The following MEOX2 variants were observed in gnomAD, a reference collection of about 807,000 sequenced individuals.
The protein encoded by MEOX2 is mesenchyme homeobox 2, also known as homeobox protein MOX-2.
A neutral mutation model predicts 27.0 loss-of-function variants in MEOX2; 11 were observed. The observed-to-expected ratio is 0.41, with a 90% confidence interval of 0.26 to 0.68. The LOEUF (loss-of-function observed/expected upper bound fraction) is 0.68. MEOX2 is among the 30% of genes least tolerant of loss of function. The pLI is 0.33. For missense variants in MEOX2, 436 were observed against 385.4 expected (o/e 1.13, Z -1.10); for synonymous variants, 189 against 155.4 (o/e 1.22, Z -1.61).
At chr7:15,617,576 T>A (rs1781142979) in intron 2 of MEOX2, among the ~76,000 whole-genome samples, 1 of 152,094 alleles carries the variant, frequency 6.6e-6, no homozygotes, top group African/African-American at 2.4e-5. Context: ...TATATCTGAT[T>A]AAGAGAAGGA....
intron 1 of MEOX2, among the ~76,000 whole-genome samples, chr7:15,635,907 A>C (rs1481333270): frequency 6.6e-6 from 1 of 151,996 alleles, no homozygotes; most frequent in Non-Finnish European, 1.5e-5. Flanking sequence ...CAGTGTATGA[A>C]ATTGTATTTC....
intron 1 of MEOX2, among the ~76,000 whole-genome samples, chr7:15,649,675 C>T (rs1194918867): frequency 1.3e-5 from 2 of 151,936 alleles, no homozygotes; most frequent in Admixed American, 6.6e-5. Flanking sequence ...TGGTTAATGC[C>T]ATGTCGATGC....
rs183345162 is a variant in MEOX2, at chr7:15,678,240, G to C, written c.517+7646C>G. 1.1e-3 allele frequency among the ~76,000 whole-genome samples: 171 copies of C among 152,228 alleles called. 2 individuals carry two copies. The highest frequency in any genetic ancestry group is 1.6e-4 in the Non-Finnish European group (11 of 68,020). On this transcript the variant is annotated intron_variant, in intron 1 of 2. Coordinates refer to ENST00000262041, the MANE Select transcript of MEOX2 (RefSeq NM_005924.5). The stretch of plus-strand genomic sequence containing the variant: ...GGTGAGAAAATTTTAATTGTTAAAG[G>C]CACTACACATACTAAGACCTCATTT...
At chr7:15,632,541 A>G (rs113923753) in intron 1 of MEOX2, among the ~76,000 whole-genome samples, 8 of 151,948 alleles carry the variant, frequency 5.3e-5, no homozygotes, top group African/African-American at 1.7e-4. Context: ...TGTCATGATT[A>G]ATGTGCAATT....
intron 1 of MEOX2, among the ~76,000 whole-genome samples, chr7:15,633,085 C>T (rs999416987): frequency 1.1e-4 from 17 of 151,918 alleles, no homozygotes; most frequent in Admixed American, 1.1e-3. Flanking sequence ...TCCTTTCTTA[C>T]AATGCTTACC....
intron 1 of MEOX2, among the ~76,000 whole-genome samples, chr7:15,641,442 G>A (rs964130976): frequency 6.6e-6 from 1 of 152,016 alleles, no homozygotes; most frequent in African/African-American, 2.4e-5. Context: ...AGCAACCTCT[G>A]CTCTCTTTCC....
At chr7:15,617,498 ATG>A (rs201620450) in intron 2 of MEOX2, among the ~76,000 whole-genome samples, 1 of 152,042 alleles carries the variant, frequency 6.6e-6, no homozygotes, top group Non-Finnish European at 1.5e-5. Flanking sequence ...AGAAGCAAGA[ATG>A]CTTAAAAGTA....
chr7:15,625,760 G>C (rs1781292826), intron 2 of MEOX2, among the ~76,000 whole-genome samples: 1 of 152,146 alleles, frequency 6.6e-6, no homozygotes, highest in Non-Finnish European at 1.5e-5. Flanking sequence ...CAGTAGGCTA[G>C]ATTCTCCTCA....
At chr7:15,642,678 T>C (rs1781580745) in intron 1 of MEOX2, among the ~76,000 whole-genome samples, 1 of 152,204 alleles carries the variant, frequency 6.6e-6, no homozygotes, top group Non-Finnish European at 1.5e-5. Flanking sequence ...TGTCAGAGCA[T>C]TCTGTTTCTT....
Position 15,612,398 on chromosome 7 carries a change from C to T in MEOX2, c.904G>A (p.Ala302Thr). 1 of 1,613,794 alleles carries T rather than the reference C, an allele frequency of 6.2e-7. No individual in the cohort carries two copies. The highest frequency in any genetic ancestry group is 8.5e-7 in the Non-Finnish European group (1 of 1,179,752). The change falls in exon 3 of 3, where the codon GCG (alanine) becomes ACG (threonine). Residue 302 changes from alanine to threonine, a missense_variant. By Grantham distance (58) the Ala-to-Thr change is moderately conservative. Transcript: ENST00000262041. ...SHDSDHSSEH[A>T]HL ...GTCCTCTGTTTATATCATAAGTGCGCATGCTCTGAGCTGTGGTCACTGTCG... is the reference window on the plus strand; with the variant it reads ...GTCCTCTGTTTATATCATAAGTGCGTATGCTCTGAGCTGTGGTCACTGTCG...
intron 1 of MEOX2, among the ~76,000 whole-genome samples, chr7:15,641,385 G>GT: frequency 6.6e-6 from 1 of 151,174 alleles, no homozygotes; most frequent in East Asian, 1.9e-4. Context: ...TTGTTTGTTT[G>GT]TTTTAACTGT....
chr7:15,685,824 G>A (rs1782370454), intron 1 of MEOX2, 62 bp downstream of exon 1: 14 of 1,528,350 alleles, frequency 9.2e-6, no homozygotes, highest in Non-Finnish European at 1.2e-5. Flanking sequence ...ATCTCCCCTA[G>A]TATCTCTCCG....
intron 1 of MEOX2, among the ~76,000 whole-genome samples, chr7:15,639,218 C>A (rs1562601718): frequency 6.6e-6 from 1 of 152,022 alleles, no homozygotes; most frequent in Non-Finnish European, 1.5e-5. Context: ...TTGTATTTCA[C>A]TGATGATTTG....
intron 1 of MEOX2, among the ~76,000 whole-genome samples, chr7:15,653,143 G>A (rs1781761304): frequency 6.6e-6 from 1 of 151,956 alleles, no homozygotes; most frequent in Non-Finnish European, 1.5e-5. Flanking sequence ...GCCATCATGT[G>A]TTAGAATCAC....
chr7:15,670,719 G>T (rs1013847275), intron 1 of MEOX2, among the ~76,000 whole-genome samples: 10 of 152,224 alleles, frequency 6.6e-5, no homozygotes, highest in African/African-American at 2.4e-4. Context: ...TAAAATAATT[G>T]ATGCTGAGCA....
At chr7:15,618,296 C>A (rs1403527119) in intron 2 of MEOX2, among the ~76,000 whole-genome samples, 1 of 151,994 alleles carries the variant, frequency 6.6e-6, no homozygotes. Flanking sequence ...TCAAGTATTT[C>A]ATGAATAAAA....
rs184259330 is a variant in MEOX2 at position 15,672,217 on chromosome 7, T to C, written c.517+13669A>G. Among the ~76,000 whole-genome samples the C allele has an allele frequency of 2.0e-5, 3 of 152,386 alleles. No homozygotes were observed. The East Asian group carries it at 5.8e-4, about 29-fold the overall frequency. On this transcript the variant is annotated intron_variant, in intron 1 of 2. Coordinates refer to ENST00000262041, the MANE Select transcript of MEOX2 (RefSeq NM_005924.5). ...CATTACTACAATGCAGATTGCTTGA[T>C]ATTCCTTATGTTTCTCAGTTGTCCA...
intron 1 of MEOX2, among the ~76,000 whole-genome samples, chr7:15,664,708 C>T (rs1781971567): frequency 6.6e-6 from 1 of 152,304 alleles, no homozygotes; most frequent in Non-Finnish European, 1.5e-5. Context: ...TATGTTCCCA[C>T]AAATCAGTCT....
At chr7:15,628,464 A>C (rs1473461154) in intron 1 of MEOX2, among the ~76,000 whole-genome samples, 1 of 152,066 alleles carries the variant, frequency 6.6e-6, no homozygotes, top group Non-Finnish European at 1.5e-5. Flanking sequence ...TCACTGGTGC[A>C]CTGGCACTAT....
Sources: allele counts gnomAD v4.1 joint callset (sites outside exome capture counted in the v4.1 genomes callset), GRCh38; gene constraint gnomAD v4.1.1; transcripts MANE v1.5; gene names NCBI Gene and HGNC (gene_info 2026-07-23, HGNC 2026-07-21).